The following MCTP1 variants were observed in gnomAD, a reference collection of about 807,000 sequenced individuals.
The protein encoded by MCTP1 is multiple C2 and transmembrane domain-containing protein 1.
MCTP1 carries 69 observed loss-of-function variants against 120.6 expected under a neutral mutation model. The observed-to-expected ratio is 0.57, with a 90% CI of 0.47 to 0.70. The LOEUF is 0.70. Ranked by LOEUF, MCTP1 falls within the 30% of genes least tolerant of loss-of-function variation. The probability of loss-of-function intolerance (pLI) is 0.00; values close to 1 mark genes in which losing one functional copy is unlikely to be tolerated. For synonymous variants in MCTP1, 529 were observed against 493.1 expected, an observed-to-expected ratio of 1.07 and a Z score of -0.96; for missense variants, 1,203 against 1,248.8, an observed-to-expected ratio of 0.96 and a Z score of 0.55.
chr5:94,866,539 A>C (rs1214480375), intron 17 of MCTP1, among the ~76,000 whole-genome samples: 1 of 112,084 alleles, frequency 8.9e-6, no homozygotes, highest in African/African-American at 3.6e-5. Context: ...ACTATGCCTG[A>C]TTCCCTCTTT....
At chr5:94,713,733 T>C (rs1032093705) in intron 20 of MCTP1, among the ~76,000 whole-genome samples, 7 of 152,144 alleles carry the variant, frequency 4.6e-5, no homozygotes, top group East Asian at 3.9e-4. Context: ...GGCTGTTCTG[T>C]CTAATGTAAG....
intron 4 of MCTP1, among the ~76,000 whole-genome samples, chr5:94,940,494 A>AACCC (rs1281649496): frequency 2.7e-5 from 4 of 148,918 alleles, no homozygotes; most frequent in Non-Finnish European, 5.9e-5. Flanking sequence ...ATGCTCTCTA[A>AACCC]ACCCACAGAG....
At chr5:95,250,214 C>T (rs1447675737) in intron 1 of MCTP1, among the ~76,000 whole-genome samples, 2 of 151,986 alleles carry the variant, frequency 1.3e-5, no homozygotes, top group Non-Finnish European at 2.9e-5. Context: ...TTATTTGTAG[C>T]CTGTTACGAA....
rs184323765 is a variant in MCTP1 at position 95,065,152 on chromosome 5, T to C, written c.721-47668A>G. ...TGAACACTACTAAAATTATTATTAA[T>C]TAATTAATTATTAAGAACTGTTATC... is the stretch of plus-strand genomic sequence containing the variant. On this transcript the variant is annotated intron_variant, in intron 1 of 22. Coordinates refer to ENST00000515393, the MANE Select transcript of MCTP1 (RefSeq NM_024717.7). 8.2e-3 allele frequency among the ~76,000 whole-genome samples: 1,249 copies of C among 152,148 alleles called. 21 individuals carry two copies. The highest frequency in any genetic ancestry group is 0.029 in the African/African-American group (1,196 of 41,562).
chr5:95,091,295 T>G (rs994248310), intron 1 of MCTP1, among the ~76,000 whole-genome samples: 1 of 152,188 alleles, frequency 6.6e-6, no homozygotes, highest in African/African-American at 2.4e-5. Context: ...TTTATAATAC[T>G]TCTCTACTCA....
At chr5:95,060,940 C>CAAAAAAAAA (rs34418928) in intron 1 of MCTP1, among the ~76,000 whole-genome samples, 2 of 116,994 alleles carry the variant, frequency 1.7e-5, no homozygotes, top group Non-Finnish European at 1.8e-5. Context: ...TGCCACTCCA[C>CAAAAAAAAA]AAAAAAAAAA....
rs527452576 is a variant in MCTP1 at position 95,052,193 on chromosome 5, C to T, written c.721-34709G>A. Reference sequence around the variant, plus strand: ...TAGGAAGTTTTGAAATAGGATTCACCGCTTTCTGGGTAAGTCTTAATATAG... The same window carrying T: ...TAGGAAGTTTTGAAATAGGATTCACTGCTTTCTGGGTAAGTCTTAATATAG... On this transcript the variant is annotated intron_variant, in intron 1 of 22. Coordinates refer to ENST00000515393, the MANE Select transcript of MCTP1 (RefSeq NM_024717.7). Among the ~76,000 whole-genome samples, 71 of 152,176 alleles carry T rather than the reference C, an allele frequency of 4.7e-4. No homozygotes were observed. In the South Asian group the frequency reaches 6.9e-3, roughly 15 times the overall value.
intron 1 of MCTP1, among the ~76,000 whole-genome samples, chr5:95,228,897 G>A (rs1056766011): frequency 2.0e-5 from 3 of 152,248 alleles, no homozygotes; most frequent in South Asian, 4.2e-4. Flanking sequence ...CCCAGAAGCC[G>A]AGCAGATGCC....
At chr5:94,966,773 C>T (rs181059019) in intron 2 of MCTP1, among the ~76,000 whole-genome samples, 145 of 150,490 alleles carry the variant, frequency 9.6e-4, no homozygotes, top group Non-Finnish European at 1.7e-3. Context: ...CCAGCCTGGG[C>T]GACAAAGCGA....
At chr5:95,087,014 A>G (rs559157359) in intron 1 of MCTP1, among the ~76,000 whole-genome samples, 1 of 152,336 alleles carries the variant, frequency 6.6e-6, no homozygotes, top group African/African-American at 2.4e-5. Flanking sequence ...CTCTACAAAA[A>G]GTTCATAAAA....
chr5:94,741,523 A>G (rs1203820929), intron 19 of MCTP1, among the ~76,000 whole-genome samples: 2 of 152,218 alleles, frequency 1.3e-5, no homozygotes, highest in African/African-American at 4.8e-5. Flanking sequence ...TACAAAATCA[A>G]TCTTGGATGA....
chr5:95,078,201 A>C (rs920056156), intron 1 of MCTP1, among the ~76,000 whole-genome samples: 1 of 152,200 alleles, frequency 6.6e-6, no homozygotes, highest in Non-Finnish European at 1.5e-5. Context: ...TCCATTCTAC[A>C]ATTCGTTCAA....
intron 19 of MCTP1, among the ~76,000 whole-genome samples, chr5:94,751,874 C>T (rs1010122677): frequency 5.3e-5 from 8 of 149,896 alleles, no homozygotes; most frequent in African/African-American, 1.7e-4. Flanking sequence ...AACCAAACAC[C>T]GCATGTTCTC....
chr5:95,108,041 T>C (rs1021804849), intron 1 of MCTP1, among the ~76,000 whole-genome samples: 3 of 152,178 alleles, frequency 2.0e-5, no homozygotes, highest in Non-Finnish European at 4.4e-5. Context: ...TTTCCAATAA[T>C]GTGGTTACAT....
chr5:95,204,298 A>G (rs1360806646), intron 1 of MCTP1, among the ~76,000 whole-genome samples: 1 of 152,166 alleles, frequency 6.6e-6, no homozygotes. Flanking sequence ...AGGTAGAAGA[A>G]AGGACAAAGG....
intron 1 of MCTP1, among the ~76,000 whole-genome samples, chr5:95,182,774 A>G (rs1349704811): frequency 6.6e-6 from 1 of 152,178 alleles, no homozygotes; most frequent in Admixed American, 6.5e-5. Context: ...AAAGAATATT[A>G]TAAAGCTGGG....
chr5:94,865,375 A>G (rs999241241), intron 17 of MCTP1, among the ~76,000 whole-genome samples: 2 of 151,932 alleles, frequency 1.3e-5, no homozygotes, highest in Non-Finnish European at 2.9e-5. Flanking sequence ...GCACTTAAAC[A>G]TTATAAAGTT....
At chr5:94,974,229 T>C (rs1827542649) in intron 2 of MCTP1, among the ~76,000 whole-genome samples, 1 of 152,160 alleles carries the variant, frequency 6.6e-6, no homozygotes, top group Non-Finnish European at 1.5e-5. Context: ...AGTTACTAAT[T>C]ATCTATTTTT....
intron 1 of MCTP1, among the ~76,000 whole-genome samples, chr5:95,092,043 C>T (rs1755885526): frequency 1.3e-5 from 2 of 152,112 alleles, no homozygotes; most frequent in African/African-American, 4.8e-5. Flanking sequence ...AGAAAGGGGT[C>T]TCTTATTATG....
Sources: allele counts gnomAD v4.1 joint callset (sites outside exome capture counted in the v4.1 genomes callset), GRCh38; gene constraint gnomAD v4.1.1; transcripts MANE v1.5; gene names NCBI Gene and HGNC (gene_info 2026-07-23, HGNC 2026-07-21).